Variants in PICALM observed in about 807,000 individuals in gnomAD.
PICALM encodes phosphatidylinositol-binding clathrin assembly protein.
Under a neutral mutation model 80.5 loss-of-function variants are expected in PICALM, and 40 were observed. The observed-to-expected ratio is 0.50, with a 90% confidence interval of 0.39 to 0.65. The LOEUF is 0.65. Among genes scored for constraint, PICALM ranks in the 30% least tolerant of loss-of-function variants. The pLI is 0.00. For synonymous variants in PICALM, 288 were observed against 260.3 expected (o/e 1.11, Z -1.02); for missense variants, 676 against 778.9 (o/e 0.87, Z 1.57).
chr11:86,022,298 C>CTAG, intron 4 of PICALM, 69 bp downstream of exon 4: 1 of 832,504 alleles, frequency 1.2e-6, no homozygotes, highest in Non-Finnish European at 1.9e-6. Context: ...AATTCATAAT[C>CTAG]TAGTAACTCC....
intron 5 of PICALM, among the ~76,000 whole-genome samples, chr11:86,013,999 T>TA (rs1005769585): frequency 7.2e-5 from 11 of 152,186 alleles, no homozygotes; most frequent in African/African-American, 2.7e-4. Context: ...TTCAACCACT[T>TA]AAAAAACATA....
At chr11:85,982,088 C>T (rs980731761) in intron 14 of PICALM, 85 bp from the exon 15 acceptor site, 4 of 1,206,308 alleles carry the variant, frequency 3.3e-6, no homozygotes, top group Non-Finnish European at 4.9e-6. Context: ...GCCTTTTCTC[C>T]TTGTTTATTC....
intron 9 of PICALM, among the ~76,000 whole-genome samples, chr11:86,002,374 A>C (rs1192261614): frequency 2.0e-5 from 3 of 152,236 alleles, no homozygotes; most frequent in African/African-American, 7.2e-5. Flanking sequence ...GAAGGTTCTC[A>C]CTATACAAAT....
At chr11:86,016,912 A>G (rs1164504837) in intron 4 of PICALM, among the ~76,000 whole-genome samples, 3 of 152,152 alleles carry the variant, frequency 2.0e-5, no homozygotes, top group Admixed American at 2.0e-4. Context: ...CACCCAAACT[A>G]TATTTCTATT....
In PICALM at chr11:86,012,523, T is replaced by C; in HGVS notation, c.547-131A>G. Reference sequence around the variant, plus strand: ...GTTAGTGAAAAATACATTTATTTTCTCTAATACATACATAAAGATCACGGT... The same window carrying C: ...GTTAGTGAAAAATACATTTATTTTCCCTAATACATACATAAAGATCACGGT... On this transcript the variant is annotated intron_variant, in intron 5 of 19. Transcript: ENST00000393346. The C allele has an allele frequency of 7.1e-6, 4 of 562,740 alleles. No homozygotes were observed. The South Asian group carries it at 9.4e-5, about 13-fold the overall frequency. 34.9% of individuals were successfully genotyped at this position (562,740 alleles called of 1,614,324 possible).
chr11:85,993,243 T>A (rs1592669216), intron 12 of PICALM, among the ~76,000 whole-genome samples: 1 of 152,066 alleles, frequency 6.6e-6, no homozygotes, highest in Admixed American at 6.5e-5. Flanking sequence ...TATGGCACCA[T>A]GCCTGGCTAT....
chr11:85,996,704 C>A, intron 12 of PICALM, 122 bp downstream of exon 12: 1 of 592,978 alleles, frequency 1.7e-6, no homozygotes, highest in Non-Finnish European at 3.0e-6. Context: ...GCTTCATTGC[C>A]ATTTTAATAC....
Position 85,984,195 on chromosome 11 carries a change from C to G in PICALM, c.1409-222G>C, listed in dbSNP as rs746438861. 1.8e-4 allele frequency among the ~76,000 whole-genome samples: 27 copies of G among 152,266 alleles called. 1 individual carries two copies. Among genetic ancestry groups the G allele is most frequent in the South Asian group, 4.1e-4 (2 of 4,832 alleles). ...AAAATTAACAAATGAGCAACTCACA[C>G]TGAACTGAAAATATGCTTCATTACA... On this transcript the variant is annotated intron_variant, in intron 13 of 19. Coordinates refer to ENST00000393346, the MANE Select transcript of PICALM (RefSeq NM_007166.4).
intron 1 of PICALM, among the ~76,000 whole-genome samples, chr11:86,050,142 T>A (rs980259078): frequency 6.8e-6 from 1 of 147,394 alleles, no homozygotes; most frequent in Admixed American, 6.8e-5. Flanking sequence ...GAGGCGGAGG[T>A]TGCAGTGAGC....
chr11:86,055,664 C>T (rs1020011355), intron 1 of PICALM, among the ~76,000 whole-genome samples: 5 of 152,142 alleles, frequency 3.3e-5, no homozygotes, highest in Non-Finnish European at 7.4e-5. Context: ...ACCCAAATAT[C>T]TTTGGTTTTC....
chr11:86,067,944 A>G lies in PICALM; in HGVS notation c.130+707T>C, dbSNP rs191623289. 2.0e-4 allele frequency among the ~76,000 whole-genome samples: 31 copies of G among 152,304 alleles called. 1 individual carries two copies. The East Asian group carries it at 5.8e-3, about 28-fold the overall frequency. ...TTTCCAGAAAGCTTTCCCTACACCA[A>G]ATTGAATCCTTTTACTTTCACTCCC... On this transcript the variant is annotated intron_variant, in intron 1 of 19. Transcript: ENST00000393346.
chr11:85,990,410 C>T lies in PICALM; in HGVS notation c.1259-11G>A. ...TAGCAGAGAAAGGATCTGTGCAGTC[C>T]AAATGTATTATAGCAAAATGAAGAA... On this transcript the variant is annotated splice_polypyrimidine_tract_variant and intron_variant, in intron 12 of 19. Transcript: ENST00000393346. 6.5e-7 allele frequency: 1 copy of T among 1,537,598 alleles called. No homozygotes were observed. The highest frequency in any genetic ancestry group is 1.8e-5 in the Admixed American group (1 of 55,002).
chr11:86,048,425 C>T (rs2096115223), intron 1 of PICALM, among the ~76,000 whole-genome samples: 1 of 152,272 alleles, frequency 6.6e-6, no homozygotes, highest in Non-Finnish European at 1.5e-5. Context: ...AGGGTTTATA[C>T]TCTATAAAGT....
chr11:86,010,723 T>C (rs1456887933), intron 7 of PICALM, among the ~76,000 whole-genome samples: 1 of 152,198 alleles, frequency 6.6e-6, no homozygotes, highest in Non-Finnish European at 1.5e-5. Context: ...CATTCTCAAA[T>C]ATATGGTTCA....
intron 1 of PICALM, among the ~76,000 whole-genome samples, chr11:86,057,276 C>T (rs536607727): frequency 8.5e-5 from 13 of 152,106 alleles, no homozygotes; most frequent in Non-Finnish European, 1.9e-4. Context: ...CGGTGGCTCA[C>T]GCCTGCAATC....
intron 4 of PICALM, among the ~76,000 whole-genome samples, chr11:86,021,472 C>T (rs1017394338): frequency 2.0e-5 from 3 of 148,434 alleles, no homozygotes; most frequent in Non-Finnish European, 4.5e-5. Flanking sequence ...CACCAGTTCA[C>T]ACCCACTAGG....
In PICALM at chr11:85,982,020, G is replaced by A. The variant is rs1428929237; in HGVS notation, c.1517-17C>T. 2.5e-6 allele frequency: 4 copies of A among 1,610,590 alleles called. No individual in the cohort carries two copies. In the Admixed American group the frequency reaches 6.7e-5, roughly 27 times the overall value. ...CATCAAAGCCTTAAAGTTACAAACA[G>A]ACGAAATAGAATTTGTAAGGAACTT... On this transcript the variant is annotated splice_polypyrimidine_tract_variant and intron_variant, in intron 14 of 19. Transcript: ENST00000393346.
chr11:86,009,821 A>C lies in PICALM; in HGVS notation c.765+1209T>G, dbSNP rs750668431. On this transcript the variant is annotated intron_variant, in intron 7 of 19. Transcript: ENST00000393346. ...AGAATTTACTAGAATCACAGCATAA[A>C]CACCACCTTCTTCTGTTTTAGTACG... 4.6e-5 allele frequency among the ~76,000 whole-genome samples: 7 copies of C among 152,230 alleles called. 1 individual carries two copies. Among genetic ancestry groups the C allele is most frequent in the Non-Finnish European group, 7.3e-5 (5 of 68,034 alleles).
intron 19 of PICALM, among the ~76,000 whole-genome samples, chr11:85,959,479 A>G (rs1016447925): frequency 6.6e-6 from 1 of 151,756 alleles, no homozygotes; most frequent in African/African-American, 2.4e-5. Flanking sequence ...CTAAAAATAC[A>G]AAAATTAGCC....
Sources: gnomAD v4.1 joint callset for allele counts (sites outside exome capture counted in the v4.1 genomes callset) on GRCh38, gnomAD v4.1.1 for gene constraint, MANE v1.5 for transcripts, NCBI Gene and HGNC (gene_info 2026-07-23, HGNC 2026-07-21) for gene names.